Variants in RBM28 observed in about 807,000 individuals in gnomAD.
The protein encoded by RBM28 is RNA binding motif protein 28.
RBM28 carries 78 observed loss-of-function variants against 98.3 expected under a neutral mutation model. The observed-to-expected ratio is 0.79, with a 90% CI of 0.66 to 0.96. The LOEUF is 0.96. RBM28 is among the 40% of genes least tolerant of loss of function. The pLI is 0.00. For missense variants in RBM28, 838 were observed against 913.0 expected, an observed-to-expected ratio of 0.92 and a Z score of 1.06; for synonymous variants, 306 against 330.9, an observed-to-expected ratio of 0.92 and a Z score of 0.82.
chr7:128,330,896 A>C lies in RBM28; in HGVS notation c.1052T>G (p.Leu351Arg). The C allele has an allele frequency of 6.2e-7, 1 of 1,614,090 alleles. No homozygotes were observed. Among genetic ancestry groups the C allele is most frequent in the Middle Eastern group, 1.6e-4 (1 of 6,062 alleles). The change falls in exon 10 of 19, where the codon CTT becomes CGT. Residue 351 changes from leucine (L) to arginine (R), a missense_variant. By Grantham distance (102) the Leu-to-Arg change is moderately radical. Transcript: ENST00000223073. ...NLSFDSEEEE[L>R]GELLQQFGEL... ...TCCAAACTGTTGGAGAAGCTCCCCA[A>C]GTTCTTCTTCTTCTGAGTCAAAGGA...
chr7:128,331,058 G>GC, intron 9 of RBM28, 130 bp from the exon 10 acceptor site: 1 of 713,666 alleles, frequency 1.4e-6, no homozygotes, highest in South Asian at 1.5e-5. Flanking sequence ...CATAGGGATG[G>GC]CCCCCAGTGA....
chr7:128,339,513 T>G, intron 2 of RBM28, 120 bp downstream of exon 2: 2 of 1,348,548 alleles, frequency 1.5e-6, no homozygotes, highest in Non-Finnish European at 2.1e-6. Context: ...ATTTTGGAGA[T>G]CAAAAAGAAA....
chr7:128,309,903 A>C lies in RBM28; in HGVS notation c.*894T>G, dbSNP rs1371104682. The stretch of plus-strand genomic sequence containing the variant: ...AAAGTGAATGAAGAAGAGAGTGGAT[A>C]AAGACAAGCAGAGGTGATAGGGCTG... On this transcript the variant is annotated 3_prime_UTR_variant, in exon 19 of 19. Transcript: ENST00000223073. The C allele has an allele frequency of 6.6e-6, 1 of 152,258 alleles. No homozygotes were observed. The highest frequency in any genetic ancestry group is 1.9e-4 in the East Asian group (1 of 5,170). The allele number at this position is 152,258 out of a possible 1,614,324, so 9.4% of individuals were successfully genotyped here.
At chr7:128,313,345 A>C (rs1467367110) in intron 17 of RBM28, 71 bp from the exon 18 acceptor site, 12 of 1,413,812 alleles carry the variant, frequency 8.5e-6, no homozygotes, top group Non-Finnish European at 1.2e-5. Context: ...CTCTTTGTAC[A>C]CTGGCCCTTC....
intron 10 of RBM28, among the ~76,000 whole-genome samples, chr7:128,326,697 G>A (rs573991259): frequency 4.6e-5 from 7 of 152,250 alleles, no homozygotes; most frequent in South Asian, 2.1e-4. Flanking sequence ...ATTAAGTGAC[G>A]CATATTGCAC....
intron 6 of RBM28, among the ~76,000 whole-genome samples, chr7:128,336,404 G>T (rs1304094190): frequency 6.6e-6 from 1 of 152,194 alleles, no homozygotes; most frequent in African/African-American, 2.4e-5. Flanking sequence ...ATCTCAGTGC[G>T]TTCTATTCTC....
intron 1 of RBM28, among the ~76,000 whole-genome samples, chr7:128,340,380 G>T (rs761846736): frequency 2.6e-5 from 4 of 152,098 alleles, no homozygotes; most frequent in Non-Finnish European, 4.4e-5. Flanking sequence ...AGAGAGACCT[G>T]AGCAAGCACA....
At chr7:128,341,238 C>T in intron 1 of RBM28, 1 of 1,225,490 alleles carries the variant, frequency 8.2e-7, no homozygotes, top group Non-Finnish European at 1.1e-6. Flanking sequence ...AGCAACATAA[C>T]ATCAATTTTT....
At chr7:128,332,645 C>T (rs1412576678) in intron 9 of RBM28, among the ~76,000 whole-genome samples, 2 of 152,074 alleles carry the variant, frequency 1.3e-5, no homozygotes, top group Non-Finnish European at 2.9e-5. Flanking sequence ...AGCCACCGCA[C>T]CCAAGAAAAT....
Position 128,298,132 on chromosome 7 carries a change from A to AT in RBM28, c.*12664dup, listed in dbSNP as rs1795732149. 6.7e-6 allele frequency: 1 copy of AT among 149,054 alleles called. No homozygotes were observed. Among genetic ancestry groups the AT allele is most frequent in the Non-Finnish European group, 1.5e-5 (1 of 67,948 alleles). 9.2% of individuals were successfully genotyped at this position (149,054 alleles called of 1,614,324 possible). A position where few individuals can be genotyped will look rare whatever the true frequency, so the allele number is the denominator to read the frequency against. ...GCACATGTACCCTAAAACTTAAATA[A>AT]TAAAAAAAAAAGACAATACGCGCAC... is the stretch of plus-strand genomic sequence containing the variant. On this transcript the variant is annotated 3_prime_UTR_variant, in exon 19 of 19. Transcript: ENST00000223073.
At position 128,306,099 on chromosome 7, in the gene RBM28, A is replaced by G. The variant is rs1795862279; in HGVS notation, c.*4698T>C. The G allele has an allele frequency of 6.6e-6, 1 of 152,264 alleles. No individual in the cohort carries two copies. Among genetic ancestry groups the G allele is most frequent in the Admixed American group, 6.5e-5 (1 of 15,274 alleles). 9.4% of individuals were successfully genotyped at this position (152,264 alleles called of 1,614,324 possible). A position where few individuals can be genotyped will look rare whatever the true frequency, so the allele number is the denominator to read the frequency against. On this transcript the variant is annotated 3_prime_UTR_variant, in exon 19 of 19. Transcript: ENST00000223073. ...GGCAAGACCTAAAGAAATGACAAGT[A>G]AGCCACAATGGCATATGCTTTGTCG...
intron 16 of RBM28, among the ~76,000 whole-genome samples, chr7:128,316,175 C>T (rs1796104098): frequency 6.6e-6 from 1 of 152,138 alleles, no homozygotes; most frequent in Non-Finnish European, 1.5e-5. Context: ...CCCTTCAGGA[C>T]TCACAGCCAG....
intron 10 of RBM28, among the ~76,000 whole-genome samples, chr7:128,330,105 ACGG>A (rs1430127176): frequency 5.3e-5 from 8 of 152,052 alleles, no homozygotes. Context: ...TTTCCTTCTA[ACGG>A]CTGACACTGC....
At chr7:128,338,424 G>T in intron 4 of RBM28, 82 bp from the exon 5 acceptor site, 3 of 1,214,100 alleles carry the variant, frequency 2.5e-6, no homozygotes, top group Non-Finnish European at 2.4e-6. Flanking sequence ...TGCAATTCAG[G>T]CCCACAAGAT....
In RBM28 at chr7:128,298,921, G is replaced by A. The variant is rs1795744592; in HGVS notation, c.*11876C>T. On this transcript the variant is annotated 3_prime_UTR_variant, in exon 19 of 19. Transcript: ENST00000223073. ...TCAGCTATTTGCAAGGCTGACGTGG[G>A]AGGATCACTAGAGCCCAGGAGGTCG... 6.6e-6 allele frequency: 1 copy of A among 151,702 alleles called. No homozygotes were observed. The highest frequency in any genetic ancestry group is 6.6e-5 in the Admixed American group (1 of 15,190). 9.4% of individuals were successfully genotyped at this position (151,702 alleles called of 1,614,324 possible). A position where few individuals can be genotyped will look rare whatever the true frequency, so the allele number is the denominator to read the frequency against.
At chr7:128,331,293 C>G (rs1490639573) in intron 9 of RBM28, among the ~76,000 whole-genome samples, 1 of 149,578 alleles carries the variant, frequency 6.7e-6, no homozygotes, top group African/African-American at 2.5e-5. Flanking sequence ...GAGCTATATG[C>G]TTAGATTAAT....
At chr7:128,321,147 CAG>C (rs1796223540) in intron 14 of RBM28, 117 bp downstream of exon 14, 3 of 1,383,236 alleles carry the variant, frequency 2.2e-6, no homozygotes, top group Non-Finnish European at 3.0e-6. Flanking sequence ...GCCTGGGCAA[CAG>C]AGTGAGACTT....
chr7:128,334,053 A>C (rs1244633142), intron 8 of RBM28, among the ~76,000 whole-genome samples: 1 of 152,246 alleles, frequency 6.6e-6, no homozygotes, highest in Non-Finnish European at 1.5e-5. Flanking sequence ...ATATGTGTGC[A>C]TTTTGCTTAT....
At chr7:128,338,198 C>T in intron 5 of RBM28, 52 bp downstream of exon 5, 2 of 1,407,214 alleles carry the variant, frequency 1.4e-6, no homozygotes, top group Non-Finnish European at 2.0e-6. Context: ...TACACTAATT[C>T]ACCAAAACAC....
Sources: allele counts gnomAD v4.1 joint callset (sites outside exome capture counted in the v4.1 genomes callset), GRCh38; gene constraint gnomAD v4.1.1; transcripts MANE v1.5; gene names NCBI Gene and HGNC (gene_info 2026-07-23, HGNC 2026-07-21).